Variants in ADAMTS3 observed in about 807,000 individuals in gnomAD.
The protein encoded by ADAMTS3 is ADAM metallopeptidase with thrombospondin type 1 motif 3, also known as A disintegrin and metalloproteinase with thrombospondin motifs 3.
In ADAMTS3, 73 loss-of-function variants were observed where a neutral mutation model predicts 129.0. That is an observed-to-expected ratio of 0.57 (90% confidence interval 0.47 to 0.69). The LOEUF is 0.69. Ranked by LOEUF, ADAMTS3 falls within the 30% of genes least tolerant of loss-of-function variation. ADAMTS3 has a pLI of 0.00. For synonymous variants in ADAMTS3, 477 were observed against 510.8 expected, an observed-to-expected ratio of 0.93 and a Z score of 0.89; for missense variants, 1,457 against 1,514.5, an observed-to-expected ratio of 0.96 and a Z score of 0.63.
chr4:72,375,048 T>C (rs1237462639), intron 4 of ADAMTS3, among the ~76,000 whole-genome samples: 2 of 152,062 alleles, frequency 1.3e-5, no homozygotes, highest in Non-Finnish European at 2.9e-5. Context: ...CCTTGAAATA[T>C]TTCCTCTCTA....
chr4:72,310,559 T>C (rs1191736451), intron 14 of ADAMTS3, among the ~76,000 whole-genome samples: 1 of 152,096 alleles, frequency 6.6e-6, no homozygotes, highest in Non-Finnish European at 1.5e-5. Flanking sequence ...TGAGATTAAA[T>C]GGAGCAAAAA....
intron 3 of ADAMTS3, among the ~76,000 whole-genome samples, chr4:72,525,583 T>A (rs1175660262): frequency 6.6e-6 from 1 of 152,162 alleles, no homozygotes; most frequent in East Asian, 1.9e-4. Flanking sequence ...AAAGGCAAGA[T>A]GAAACGTAAG....
chr4:72,296,026 G>C (rs1718797609), intron 18 of ADAMTS3, among the ~76,000 whole-genome samples: 1 of 151,992 alleles, frequency 6.6e-6, no homozygotes, highest in Admixed American at 6.6e-5. Context: ...TAAAGAACTA[G>C]ACTCTAAATA....
At chr4:72,560,996 A>C (rs528228318) in intron 2 of ADAMTS3, among the ~76,000 whole-genome samples, 2 of 152,292 alleles carry the variant, frequency 1.3e-5, no homozygotes, top group Non-Finnish European at 2.9e-5. Context: ...TGACCACTTG[A>C]TAGAGGAAAT....
intron 4 of ADAMTS3, among the ~76,000 whole-genome samples, chr4:72,364,028 AAAC>A (rs1363061605): frequency 6.6e-6 from 1 of 152,194 alleles, no homozygotes; most frequent in African/African-American, 2.4e-5. Context: ...ATATTTAAAA[AAAC>A]ACATTATTTT....
chr4:72,313,858 C>G, intron 11 of ADAMTS3, 36 bp from the exon 12 acceptor site: 1 of 1,611,416 alleles, frequency 6.2e-7, no homozygotes, highest in Non-Finnish European at 8.5e-7. Context: ...ATTAAAATCA[C>G]GCATACACTA....
intron 3 of ADAMTS3, among the ~76,000 whole-genome samples, chr4:72,534,218 T>C (rs1004295696): frequency 2.0e-5 from 3 of 151,942 alleles, no homozygotes; most frequent in Non-Finnish European, 4.4e-5. Context: ...TCCAAGCTAC[T>C]CAGGAGGCTG....
In ADAMTS3 at chr4:72,323,110, A is replaced by AAGATAAT. The variant is rs1225387985; in HGVS notation, c.862-14_862-13insATTATCT. On this transcript the variant is annotated splice_polypyrimidine_tract_variant and intron_variant, in intron 5 of 21. Coordinates refer to ENST00000286657, the MANE Select transcript of ADAMTS3 (RefSeq NM_014243.3). ...AAATTTCATTCACCTAGCAACAAAA[A>AAGATAAT]AAGATAATTGCTAAAAGAAAGGAAA... 1.2e-6 allele frequency: 2 copies of AAGATAAT among 1,601,672 alleles called. No homozygotes were observed. Among genetic ancestry groups the AAGATAAT allele is most frequent in the Non-Finnish European group, 1.7e-6 (2 of 1,169,102 alleles).
intron 3 of ADAMTS3, among the ~76,000 whole-genome samples, chr4:72,468,024 CCA>C (rs1449730680): frequency 6.6e-6 from 1 of 152,034 alleles, no homozygotes; most frequent in Non-Finnish European, 1.5e-5. Context: ...GTTCCAGCAG[CCA>C]CACTTTCTCA....
At chr4:72,539,491 G>GA (rs71215438) in intron 3 of ADAMTS3, among the ~76,000 whole-genome samples, 28,970 of 86,274 alleles carry the variant, frequency 0.34, 5,098 homozygotes, top group Non-Finnish European at 0.4. Context: ...GCTACTATCA[G>GA]AAAAAAAAAA....
At chr4:72,408,080 C>G (rs1445146682) in intron 4 of ADAMTS3, among the ~76,000 whole-genome samples, 1 of 152,006 alleles carries the variant, frequency 6.6e-6, no homozygotes, top group African/African-American at 2.4e-5. Flanking sequence ...GTATTCAGCT[C>G]CTGTTACAAA....
Position 72,507,692 on chromosome 4 carries a change from A to G in ADAMTS3, c.504+40786T>C, listed in dbSNP as rs528923335. The stretch of plus-strand genomic sequence containing the variant: ...ACTATTTGTAGGGCACTGTTTCTCA[A>G]TGAGCATTTAAAGCACTATAAAAAT... On this transcript the variant is annotated intron_variant, in intron 3 of 21. Transcript: ENST00000286657. Among the ~76,000 whole-genome samples, 8 of 152,294 alleles carry G rather than the reference A, an allele frequency of 5.3e-5. 1 individual carries two copies. The South Asian group carries it at 1.7e-3, about 32-fold the overall frequency.
At chr4:72,391,154 G>T (rs972079962) in intron 4 of ADAMTS3, among the ~76,000 whole-genome samples, 1 of 152,134 alleles carries the variant, frequency 6.6e-6, no homozygotes, top group Non-Finnish European at 1.5e-5. Flanking sequence ...GGAAGAAAGG[G>T]TAGTTAGAGG....
At chr4:72,352,082 ATCT>A (rs1720454601) in intron 4 of ADAMTS3, among the ~76,000 whole-genome samples, 1 of 152,032 alleles carries the variant, frequency 6.6e-6, no homozygotes, top group Admixed American at 6.6e-5. Flanking sequence ...ATCTAAGTTC[ATCT>A]TCTTAGATTT....
chr4:72,313,643 C>G (rs754059825), intron 12 of ADAMTS3, 34 bp downstream of exon 12: 5 of 1,606,516 alleles, frequency 3.1e-6, no homozygotes, highest in Middle Eastern at 1.7e-4. Context: ...TCTGGTCTCT[C>G]CAAAAATAAC....
At chr4:72,478,389 T>C (rs1327469221) in intron 3 of ADAMTS3, among the ~76,000 whole-genome samples, 3 of 149,156 alleles carry the variant, frequency 2.0e-5, no homozygotes, top group Non-Finnish European at 4.4e-5. Context: ...TGGTTCAATA[T>C]ATGCAAATCA....
At chr4:72,563,075 A>G (rs925254670) in intron 2 of ADAMTS3, among the ~76,000 whole-genome samples, 1 of 152,196 alleles carries the variant, frequency 6.6e-6, no homozygotes, top group Non-Finnish European at 1.5e-5. Context: ...TTCTGGAAGC[A>G]GAGGCGACCT....
intron 3 of ADAMTS3, among the ~76,000 whole-genome samples, chr4:72,432,281 T>C (rs545217905): frequency 1.3e-5 from 2 of 151,962 alleles, no homozygotes; most frequent in Admixed American, 1.3e-4. Context: ...TGCCACATAA[T>C]GGGAGAAGAG....
intron 4 of ADAMTS3, among the ~76,000 whole-genome samples, chr4:72,370,975 GATGTCTTTAGAATAAAAGAGAA>G (rs1720990507): frequency 6.6e-6 from 1 of 152,152 alleles, no homozygotes; most frequent in South Asian, 2.1e-4. Flanking sequence ...TTCAGTGAAT[GATGTCTTTAGAATAAAAGAGAA>G]ATGTAGACAT....
Sources: allele counts gnomAD v4.1 joint callset (sites outside exome capture counted in the v4.1 genomes callset), GRCh38; gene constraint gnomAD v4.1.1; transcripts MANE v1.5; gene names NCBI Gene and HGNC (gene_info 2026-07-23, HGNC 2026-07-21).